The following MTFR1 variants were observed in gnomAD, a reference collection of about 807,000 sequenced individuals.
MTFR1 encodes the protein chondrocyte protein with a poly-proline region.
In MTFR1, 28 loss-of-function variants were observed where a neutral mutation model predicts 38.8. The observed-to-expected ratio is 0.72, with a 90% CI of 0.53 to 0.99. MTFR1 has a LOEUF of 0.99. MTFR1 is among the 50% of genes least tolerant of loss of function. MTFR1 has a pLI of 0.00. For synonymous variants in MTFR1, 145 were observed against 137.0 expected, an observed-to-expected ratio of 1.06 and a Z score of -0.41; for missense variants, 358 against 395.5, an observed-to-expected ratio of 0.91 and a Z score of 0.81.
intron 3 of MTFR1, among the ~76,000 whole-genome samples, chr8:65,761,083 G>A (rs1030237970): frequency 1.9e-4 from 28 of 150,360 alleles, no homozygotes; most frequent in Non-Finnish European, 3.4e-4. Context: ...TTTTTTAGAC[G>A]GAGTCTCGCC....
intron 1 of MTFR1, among the ~76,000 whole-genome samples, chr8:65,659,298 G>A (rs1299241112): frequency 6.6e-6 from 1 of 151,976 alleles, no homozygotes; most frequent in East Asian, 1.9e-4. Flanking sequence ...AATTCTCGGT[G>A]CTACAAAGTG....
chr8:65,669,612 C>T (rs548052059), intron 1 of MTFR1, among the ~76,000 whole-genome samples: 31 of 151,176 alleles, frequency 2.1e-4, no homozygotes, highest in African/African-American at 5.3e-4. Flanking sequence ...AGTACAATGG[C>T]GCGATCTTGG....
chr8:65,743,498 T>A (rs776505883), intron 3 of MTFR1, among the ~76,000 whole-genome samples: 2 of 152,198 alleles, frequency 1.3e-5, no homozygotes, highest in Non-Finnish European at 2.9e-5. Context: ...CAAACTTCAC[T>A]GTCTTCACAA....
chr8:65,744,478 A>G (rs1485470752), intron 3 of MTFR1, among the ~76,000 whole-genome samples: 4 of 152,172 alleles, frequency 2.6e-5, no homozygotes, highest in Admixed American at 2.0e-4. Context: ...CGCAAAGAGA[A>G]TAAGAAAACA....
intron 3 of MTFR1, among the ~76,000 whole-genome samples, chr8:65,752,321 C>T (rs1808007400): frequency 6.6e-6 from 1 of 152,172 alleles, no homozygotes; most frequent in African/African-American, 2.4e-5. Flanking sequence ...TGCTTGTGTT[C>T]ATACTCTAGT....
At chr8:65,689,704 T>A (rs1805214458) in intron 3 of MTFR1, 1 of 698,282 alleles carries the variant, frequency 1.4e-6, no homozygotes, top group African/African-American at 1.9e-5. Context: ...TGACTTCACC[T>A]TGACTTGTAC....
intron 3 of MTFR1, chr8:65,726,875 C>T (rs765916867): frequency 3.2e-6 from 5 of 1,542,776 alleles, no homozygotes; most frequent in Middle Eastern, 1.7e-4. Context: ...TCCAACCTAC[C>T]TGCTTTCTAA....
intron 3 of MTFR1, among the ~76,000 whole-genome samples, chr8:65,768,377 A>G (rs1311312305): frequency 6.6e-6 from 1 of 152,138 alleles, no homozygotes; most frequent in Non-Finnish European, 1.5e-5. Flanking sequence ...AGGTAGTTGA[A>G]TCATGGGGGT....
At chr8:65,655,680 T>TG (rs1809234443) in intron 1 of MTFR1, among the ~76,000 whole-genome samples, 1 of 151,852 alleles carries the variant, frequency 6.6e-6, no homozygotes, top group African/African-American at 2.4e-5. Context: ...CAAGGTGCAG[T>TG]GGCTAAAGGC....
chr8:65,655,542 A>G (rs1809231356), intron 1 of MTFR1, among the ~76,000 whole-genome samples: 1 of 152,182 alleles, frequency 6.6e-6, no homozygotes, highest in African/African-American at 2.4e-5. Flanking sequence ...CCACAGATTG[A>G]ATACTATATT....
chr8:65,761,320 T>TCCCAA (rs1486299500), intron 3 of MTFR1, among the ~76,000 whole-genome samples: 1 of 152,176 alleles, frequency 6.6e-6, no homozygotes, highest in Non-Finnish European at 1.5e-5. Context: ...TGCCTTGGCC[T>TCCCAA]CCCAAAGTGC....
intron 1 of MTFR1, among the ~76,000 whole-genome samples, chr8:65,667,276 CAAA>C (rs141779787): frequency 8.5e-6 from 1 of 117,970 alleles, no homozygotes; most frequent in African/African-American, 3.2e-5. Context: ...AACTCCGTCT[CAAA>C]AAAAAAAAAG....
At chr8:65,697,360 G>A (rs977580697) in intron 4 of MTFR1, among the ~76,000 whole-genome samples, 3 of 152,138 alleles carry the variant, frequency 2.0e-5, no homozygotes, top group Non-Finnish European at 2.9e-5. Context: ...ACAGTCCTCC[G>A]CTCTACCAGC....
intron 4 of MTFR1, among the ~76,000 whole-genome samples, chr8:65,704,400 G>C (rs546377683): frequency 6.6e-6 from 1 of 152,142 alleles, no homozygotes; most frequent in Non-Finnish European, 1.5e-5. Context: ...AAAAGAAAAC[G>C]TCAATTAGCA....
At chr8:65,649,021 A>C (rs181018396) in intron 1 of MTFR1, among the ~76,000 whole-genome samples, 1 of 152,150 alleles carries the variant, frequency 6.6e-6, no homozygotes, top group East Asian at 1.9e-4. Context: ...TATTTGAAAA[A>C]ACAATGATAA....
chr8:65,739,541 A>G (rs1182650336), intron 3 of MTFR1: 3 of 1,572,010 alleles, frequency 1.9e-6, no homozygotes, highest in African/African-American at 1.4e-5. Flanking sequence ...AAATGGAAGT[A>G]CTCAATTAAT....
chr8:65,702,203 A>G (rs1328987739), intron 4 of MTFR1, among the ~76,000 whole-genome samples: 3 of 151,854 alleles, frequency 2.0e-5, no homozygotes, highest in Non-Finnish European at 4.4e-5. Context: ...CTCTGTCAAA[A>G]TGATTTCCCA....
rs1805709815 is a variant in MTFR1, at chr8:65,704,189, T to C, written c.282-505T>C. Among the ~76,000 whole-genome samples the C allele has an allele frequency of 2.0e-5, 3 of 152,204 alleles. No homozygotes were observed. In the South Asian group the frequency reaches 6.2e-4, roughly 31 times the overall value. On this transcript the variant is annotated intron_variant, in intron 4 of 7. Transcript: ENST00000262146. ...AGTTCTTCACTGTTAATTAAATTGTTTTGTCAAAGGTCCTAAACTTTTTTG... is the reference window on the plus strand; with the variant it reads ...AGTTCTTCACTGTTAATTAAATTGTCTTGTCAAAGGTCCTAAACTTTTTTG...
At chr8:65,741,855 G>A (rs1325936536) in intron 3 of MTFR1, among the ~76,000 whole-genome samples, 1 of 152,188 alleles carries the variant, frequency 6.6e-6, no homozygotes, top group African/African-American at 2.4e-5. Flanking sequence ...TGTAGAATAA[G>A]TTTTAAGAAA....
Sources: gnomAD v4.1 joint callset for allele counts (sites outside exome capture counted in the v4.1 genomes callset) on GRCh38, gnomAD v4.1.1 for gene constraint, MANE v1.5 for transcripts, NCBI Gene and HGNC (gene_info 2026-07-23, HGNC 2026-07-21) for gene names.